Variants in MAML3 observed in about 807,000 individuals in gnomAD.
The protein encoded by MAML3 is mastermind-like protein 3.
Under a neutral mutation model 101.9 loss-of-function variants are expected in MAML3, and 27 were observed. The observed-to-expected ratio is 0.27, with a 90% CI of 0.20 to 0.37. MAML3 has a LOEUF of 0.37. Among genes scored for constraint, MAML3 ranks in the 10% least tolerant of loss-of-function variants. The pLI, the probability that MAML3 is intolerant of heterozygous loss-of-function variation, is 1.00. For missense variants in MAML3, 1,316 were observed against 1,444.9 expected, an observed-to-expected ratio of 0.91 and a Z score of 1.45; for synonymous variants, 501 against 555.9, an observed-to-expected ratio of 0.90 and a Z score of 1.39.
At chr4:139,911,731 C>T (rs1732928962) in intron 1 of MAML3, among the ~76,000 whole-genome samples, 1 of 152,132 alleles carries the variant, frequency 6.6e-6, no homozygotes, top group South Asian at 2.1e-4. Context: ...CAGAGATCCC[C>T]CTCACTCTTT....
chr4:140,035,363 T>G (rs114111781), intron 1 of MAML3, among the ~76,000 whole-genome samples: 50 of 152,304 alleles, frequency 3.3e-4, no homozygotes, highest in African/African-American at 1.2e-3. Context: ...CCAAATCAGA[T>G]ATCTGAACAC....
intron 2 of MAML3, among the ~76,000 whole-genome samples, chr4:139,862,590 T>C (rs558789634): frequency 5.8e-4 from 88 of 152,310 alleles, no homozygotes; most frequent in African/African-American, 1.9e-3. Flanking sequence ...TGTTGACCCA[T>C]TGGTCTCCCC....
chr4:139,952,577 T>C (rs1250476281), intron 1 of MAML3, among the ~76,000 whole-genome samples: 1 of 151,696 alleles, frequency 6.6e-6, no homozygotes, highest in African/African-American at 2.4e-5. Context: ...CAAAACCAAG[T>C]ACATTTGGGG....
chr4:139,841,694 G>A (rs371936230), intron 2 of MAML3, among the ~76,000 whole-genome samples: 1 of 152,166 alleles, frequency 6.6e-6, no homozygotes, highest in Non-Finnish European at 1.5e-5. Flanking sequence ...GCATCCTATC[G>A]CTGGTCCCCA....
At chr4:139,813,393 A>C (rs1215238371) in intron 2 of MAML3, among the ~76,000 whole-genome samples, 3 of 152,198 alleles carry the variant, frequency 2.0e-5, no homozygotes, top group Non-Finnish European at 4.4e-5. Context: ...CCACTGTGAA[A>C]TTTCAGAAAG....
chr4:139,938,247 C>T (rs1480651160), intron 1 of MAML3, among the ~76,000 whole-genome samples: 1 of 152,192 alleles, frequency 6.6e-6, no homozygotes, highest in African/African-American at 2.4e-5. Flanking sequence ...AGAAAGGAAA[C>T]AGCAATGCTA....
At chr4:139,979,232 T>C (rs923815486) in intron 1 of MAML3, among the ~76,000 whole-genome samples, 1 of 152,172 alleles carries the variant, frequency 6.6e-6, no homozygotes, top group African/African-American at 2.4e-5. Flanking sequence ...ATTTTAAACA[T>C]TTTGGTCTAA....
chr4:139,933,009 C>T (rs1273225264), intron 1 of MAML3, among the ~76,000 whole-genome samples: 1 of 152,134 alleles, frequency 6.6e-6, no homozygotes, highest in African/African-American at 2.4e-5. Context: ...TTAGCCGTGG[C>T]AGCAGAACCT....
At chr4:140,140,042 G>A (rs181826230) in intron 1 of MAML3, among the ~76,000 whole-genome samples, 19 of 152,278 alleles carry the variant, frequency 1.2e-4, no homozygotes, top group African/African-American at 4.3e-4. Context: ...CTTTATTTGG[G>A]GCCGGACGCG....
chr4:139,883,076 G>T (rs762570081), intron 2 of MAML3, among the ~76,000 whole-genome samples: 5 of 152,138 alleles, frequency 3.3e-5, no homozygotes, highest in Non-Finnish European at 7.3e-5. Context: ...AACACAGAAC[G>T]GTGGTGAAAC....
chr4:139,883,874 T>TA (rs1190027769), intron 2 of MAML3, among the ~76,000 whole-genome samples: 18 of 149,748 alleles, frequency 1.2e-4, no homozygotes, highest in Non-Finnish European at 2.2e-4. Flanking sequence ...TTTTTTTTTT[T>TA]AAATAATTGC....
chr4:139,950,668 G>C (rs1298796949), intron 1 of MAML3, among the ~76,000 whole-genome samples: 1 of 152,116 alleles, frequency 6.6e-6, no homozygotes, highest in Non-Finnish European at 1.5e-5. Context: ...ACATTCTCCC[G>C]GGTTTGACTG....
intron 2 of MAML3, among the ~76,000 whole-genome samples, chr4:139,798,473 G>A (rs1730555074): frequency 6.6e-6 from 1 of 152,168 alleles, no homozygotes; most frequent in Admixed American, 6.5e-5. Context: ...ACTCTGCAGG[G>A]ACAGGTACCA....
At chr4:139,939,411 G>A (rs1222733462) in intron 1 of MAML3, among the ~76,000 whole-genome samples, 1 of 151,926 alleles carries the variant, frequency 6.6e-6, no homozygotes, top group Admixed American at 6.6e-5. Flanking sequence ...CAATCTTCTG[G>A]GCACTCCTTG....
chr4:139,802,439 C>G (rs368263790), intron 2 of MAML3, among the ~76,000 whole-genome samples: 2 of 152,300 alleles, frequency 1.3e-5, no homozygotes, highest in East Asian at 3.9e-4. Context: ...CTGCCATGCC[C>G]GACTTCCTCT....
intron 1 of MAML3, among the ~76,000 whole-genome samples, chr4:140,006,073 C>A (rs1726439320): frequency 6.6e-6 from 1 of 152,178 alleles, no homozygotes; most frequent in Admixed American, 6.5e-5. Context: ...TGTTTGGAGG[C>A]TGCCACTTGA....
chr4:140,051,284 A>G (rs1727262731), intron 1 of MAML3, among the ~76,000 whole-genome samples: 1 of 152,106 alleles, frequency 6.6e-6, no homozygotes. Context: ...GCCAGTCACA[A>G]TGGCTCATGC....
At chr4:139,723,631 G>A (rs1429491656) in intron 4 of MAML3, among the ~76,000 whole-genome samples, 1 of 152,046 alleles carries the variant, frequency 6.6e-6, no homozygotes, top group Non-Finnish European at 1.5e-5. Flanking sequence ...GTTTTTAACT[G>A]GACCCAAAAC....
intron 1 of MAML3, among the ~76,000 whole-genome samples, chr4:140,098,629 A>C (rs920156297): frequency 1.3e-5 from 2 of 152,248 alleles, no homozygotes; most frequent in African/African-American, 4.8e-5. Flanking sequence ...CATTATTTTC[A>C]ATATCTCATG....
Sources: allele counts gnomAD v4.1 joint callset (sites outside exome capture counted in the v4.1 genomes callset), GRCh38; gene constraint gnomAD v4.1.1; transcripts MANE v1.5; gene names NCBI Gene and HGNC (gene_info 2026-07-23, HGNC 2026-07-21).